VPS36: variants seen among roughly 807,000 people sequenced by gnomAD.
VPS36 encodes vacuolar protein sorting 36 homolog.
In VPS36, 31 loss-of-function variants were observed where a neutral mutation model predicts 63.5. The ratio of observed to expected loss-of-function variants is 0.49; its 90% CI spans 0.37 to 0.66. The LOEUF is 0.66. Ranked by LOEUF, VPS36 falls within the 30% of genes least tolerant of loss-of-function variation. The probability of loss-of-function intolerance (pLI) is 0.00; values close to 1 mark genes in which losing one functional copy is unlikely to be tolerated. For missense variants in VPS36, 338 were observed against 463.7 expected (o/e 0.73, Z 2.49); for synonymous variants, 138 against 157.2 (o/e 0.88, Z 0.91).
chr13:52,444,534 A>G (rs1446927182), intron 1 of VPS36, among the ~76,000 whole-genome samples: 1 of 147,848 alleles, frequency 6.8e-6, no homozygotes, highest in Non-Finnish European at 1.5e-5. Flanking sequence ...ATTTATATAT[A>G]AATACATATA....
At chr13:52,434,420 G>A (rs181827900) in intron 5 of VPS36, among the ~76,000 whole-genome samples, 2 of 152,090 alleles carry the variant, frequency 1.3e-5, no homozygotes, top group Non-Finnish European at 2.9e-5. Context: ...GTGCAATGGT[G>A]CAATCTTGGC....
intron 6 of VPS36, among the ~76,000 whole-genome samples, chr13:52,432,394 TAGTC>T (rs1566086732): frequency 2.0e-5 from 3 of 151,994 alleles, no homozygotes; most frequent in Non-Finnish European, 4.4e-5. Context: ...CAAACCTAAT[TAGTC>T]ATCGTCAAAA....
At chr13:52,417,183 G>C (rs1432729952) in intron 11 of VPS36, 42 bp from the exon 12 acceptor site, 1 of 1,568,000 alleles carries the variant, frequency 6.4e-7, no homozygotes, top group Admixed American at 1.7e-5. Context: ...GAATTATCTA[G>C]GATATTCAAC....
chr13:52,443,098 C>T (rs538618988), intron 1 of VPS36, among the ~76,000 whole-genome samples: 2 of 151,904 alleles, frequency 1.3e-5, no homozygotes, highest in Admixed American at 6.6e-5. Context: ...AACTGGGTTG[C>T]CAGGTAGGAA....
At chr13:52,428,526 A>G (rs184794705) in intron 6 of VPS36, among the ~76,000 whole-genome samples, 1 of 152,348 alleles carries the variant, frequency 6.6e-6, no homozygotes, top group East Asian at 1.9e-4. Flanking sequence ...GAATTTCCTT[A>G]GATAAACAAA....
intron 9 of VPS36, among the ~76,000 whole-genome samples, chr13:52,425,184 C>T (rs1211086769): frequency 1.3e-4 from 18 of 136,112 alleles, no homozygotes; most frequent in Non-Finnish European, 2.6e-4. Context: ...ACCTGGGAGG[C>T]GGAGCTTGCA....
chr13:52,434,645 A>T, intron 5 of VPS36, 148 bp downstream of exon 5: 1 of 796,010 alleles, frequency 1.3e-6, no homozygotes, highest in Non-Finnish European at 2.0e-6. Flanking sequence ...GGCGTGAGCC[A>T]CCGCGCCCTA....
At chr13:52,441,061 C>T (rs1236036306) in intron 2 of VPS36, among the ~76,000 whole-genome samples, 3 of 152,112 alleles carry the variant, frequency 2.0e-5, no homozygotes, top group South Asian at 2.1e-4. Flanking sequence ...GGTGGTAATG[C>T]TTGCTTACCT....
At position 52,437,802 on chromosome 13, in the gene VPS36, C is replaced by T. The variant is rs184440956; in HGVS notation, c.236+1296G>A. Among the ~76,000 whole-genome samples the T allele has an allele frequency of 3.3e-5, 5 of 151,860 alleles. No homozygotes were observed. In the East Asian group the frequency reaches 5.8e-4, roughly 18 times the overall value. On this transcript the variant is annotated intron_variant, in intron 3 of 13. Transcript: ENST00000378060. ...AAAATTAGCTGGGCATGGTCGTGGG[C>T]GCCTGTAGTCCCAGCTACTCGGGAG...
intron 9 of VPS36, 75 bp downstream of exon 9, chr13:52,425,857 C>T (rs1487803578): frequency 2.8e-6 from 4 of 1,423,416 alleles, no homozygotes; most frequent in Admixed American, 2.5e-5. Flanking sequence ...AATAGTTATG[C>T]TCTTGTTAAC....
At chr13:52,444,232 T>C (rs1009118023) in intron 1 of VPS36, among the ~76,000 whole-genome samples, 7 of 151,896 alleles carry the variant, frequency 4.6e-5, no homozygotes, top group African/African-American at 1.5e-4. Flanking sequence ...CCAAGGCGGG[T>C]GGATCACGAG....
chr13:52,440,480 A>G (rs1235656925), intron 2 of VPS36, among the ~76,000 whole-genome samples: 1 of 151,914 alleles, frequency 6.6e-6, no homozygotes, highest in Non-Finnish European at 1.5e-5. Context: ...TTTAGTAGAG[A>G]CAGGGTTTCT....
chr13:52,449,322 A>T (rs1274611484), intron 1 of VPS36, among the ~76,000 whole-genome samples: 1 of 152,226 alleles, frequency 6.6e-6, no homozygotes, highest in African/African-American at 2.4e-5. Context: ...CTGGCGATAG[A>T]GCGAGACTCT....
chr13:52,434,143 T>C (rs1314328152), intron 5 of VPS36, among the ~76,000 whole-genome samples: 2 of 152,192 alleles, frequency 1.3e-5, no homozygotes, highest in Admixed American at 6.5e-5. Flanking sequence ...TACATTTGAG[T>C]ACCTGTCTAG....
intron 6 of VPS36, among the ~76,000 whole-genome samples, chr13:52,428,021 A>G (rs1430530658): frequency 1.3e-5 from 2 of 152,214 alleles, no homozygotes; most frequent in African/African-American, 2.4e-5. Flanking sequence ...CTGAAACAGT[A>G]AGTTTAGCAA....
At chr13:52,416,690 G>A (rs536078973) in intron 12 of VPS36, among the ~76,000 whole-genome samples, 5 of 152,206 alleles carry the variant, frequency 3.3e-5, no homozygotes, top group African/African-American at 1.2e-4. Flanking sequence ...TAAAACTTGT[G>A]GCGTTTTATC....
chr13:52,437,538 AG>A lies in VPS36; in HGVS notation c.237-1135del, dbSNP rs1958231473. 2.0e-5 allele frequency among the ~76,000 whole-genome samples: 3 copies of A among 152,376 alleles called. No homozygotes were observed. In the South Asian group the frequency reaches 6.2e-4, roughly 32 times the overall value. The stretch of plus-strand genomic sequence containing the variant: ...AAAACTAATGAGTATAATCGAAAAA[AG>A]TTTAAAAGCTCCACAGTAAGCATAA... On this transcript the variant is annotated intron_variant, in intron 3 of 13. Transcript: ENST00000378060.
intron 5 of VPS36, 114 bp from the exon 6 acceptor site, chr13:52,433,862 A>T: frequency 1.2e-6 from 1 of 810,666 alleles, no homozygotes; most frequent in Non-Finnish European, 2.0e-6. Flanking sequence ...AAAGAACCAA[A>T]GAAAAACAGC....
intron 8 of VPS36, among the ~76,000 whole-genome samples, chr13:52,426,592 G>A (rs952208695): frequency 6.6e-6 from 1 of 152,152 alleles, no homozygotes; most frequent in African/African-American, 2.4e-5. Flanking sequence ...AATAAAACAG[G>A]CTGGGCGTGG....
Sources: allele counts gnomAD v4.1 joint callset (sites outside exome capture counted in the v4.1 genomes callset), GRCh38; gene constraint gnomAD v4.1.1; transcripts MANE v1.5; gene names NCBI Gene and HGNC (gene_info 2026-07-23, HGNC 2026-07-21).